MALT1: variants seen among roughly 807,000 people sequenced by gnomAD.
MALT1 encodes the protein mucosa-associated lymphoid tissue lymphoma translocation protein 1.
A neutral mutation model predicts 85.5 loss-of-function variants in MALT1; 36 were observed. That is an observed-to-expected ratio of 0.42 (90% CI 0.32 to 0.56). MALT1 has a LOEUF of 0.56. Ranked by LOEUF, MALT1 falls within the 20% of genes least tolerant of loss-of-function variation. The pLI is 0.10. For synonymous variants in MALT1, 359 were observed against 361.3 expected (o/e 0.99, Z 0.07); for missense variants, 716 against 981.6 (o/e 0.73, Z 3.62).
At chr18:58,697,538 G>A (rs1166562027) in intron 3 of MALT1, among the ~76,000 whole-genome samples, 3 of 152,140 alleles carry the variant, frequency 2.0e-5, no homozygotes, top group Non-Finnish European at 4.4e-5. Flanking sequence ...CTAGGCTCTT[G>A]AAAGATTGCA....
chr18:58,744,454 G>T lies in MALT1; in HGVS notation c.1870G>T (p.Glu624Ter). ...IYTSIVYKPP[E>*]IIMCDAYVTD... ...TACAAGTATAGTTTACAAACCACCGGAGATAATAATGTGTGATGCCTACGT... is the reference window on the plus strand; with the variant it reads ...TACAAGTATAGTTTACAAACCACCGTAGATAATAATGTGTGATGCCTACGT... Residue 624 changes from glutamate (E) to a stop codon, truncating the protein, a stop_gained, in exon 15 of 17, where the codon GAG (glutamate) becomes TAG (stop). Transcript: ENST00000649217. LOFTEE classifies it high-confidence loss of function. The T allele has an allele frequency of 6.2e-7, 1 of 1,607,212 alleles. No individual in the cohort carries two copies. Among genetic ancestry groups the T allele is most frequent in the Non-Finnish European group, 8.5e-7 (1 of 1,176,192 alleles).
At chr18:58,735,068 C>T (rs1302811517) in intron 12 of MALT1, 134 bp from the exon 13 acceptor site, 5 of 527,292 alleles carry the variant, frequency 9.5e-6, no homozygotes, top group African/African-American at 1.5e-4. Flanking sequence ...TGTCCCCACC[C>T]CCCCCCAGCC....
At chr18:58,710,824 A>G (rs1287806814) in intron 6 of MALT1, 97 bp from the exon 7 acceptor site, 15 of 744,550 alleles carry the variant, frequency 2.0e-5, no homozygotes, top group Admixed American at 5.3e-5. Flanking sequence ...TGGTTTGCCA[A>G]CATTATCTCT....
At chr18:58,705,308 G>GTA (rs151120128) in intron 4 of MALT1, among the ~76,000 whole-genome samples, 2,620 of 149,456 alleles carry the variant, frequency 0.018, 85 homozygotes, top group African/African-American at 0.061. Flanking sequence ...GTGTGTGTGT[G>GTA]TGTGTGTGTG....
chr18:58,683,840 G>A (rs150911302), intron 2 of MALT1, among the ~76,000 whole-genome samples: 2 of 152,244 alleles, frequency 1.3e-5, no homozygotes, highest in African/African-American at 4.8e-5. Context: ...GGAGAGAATA[G>A]GAAAGGAAAG....
At chr18:58,732,505 T>C (rs1314439052) in intron 10 of MALT1, among the ~76,000 whole-genome samples, 1 of 152,184 alleles carries the variant, frequency 6.6e-6, no homozygotes, top group African/African-American at 2.4e-5. Flanking sequence ...ATCTGCGAAG[T>C]CAGATTTCCC....
chr18:58,693,373 A>G (rs551592839), intron 2 of MALT1, among the ~76,000 whole-genome samples: 1 of 152,324 alleles, frequency 6.6e-6, no homozygotes, highest in Non-Finnish European at 1.5e-5. Flanking sequence ...AGTGAGCGAG[A>G]TCATGACACT....
intron 1 of MALT1, among the ~76,000 whole-genome samples, chr18:58,678,492 A>G (rs1223070963): frequency 1.3e-5 from 2 of 152,080 alleles, no homozygotes; most frequent in Non-Finnish European, 2.9e-5. Context: ...TATGTTTAAT[A>G]TGATGGGGTT....
intron 10 of MALT1, among the ~76,000 whole-genome samples, chr18:58,727,438 G>A (rs148649171): frequency 2.0e-5 from 3 of 152,214 alleles, no homozygotes; most frequent in African/African-American, 7.2e-5. Context: ...AGAGTAGCTG[G>A]GATTACAGGC....
In MALT1 at chr18:58,754,151, C is replaced by T. The variant is rs1461907485; in HGVS notation, c.*6309C>T. ...TGTTACTATACCCTCCAGGATAACC[C>T]AGCTAGTAAGGGCAGAGCCAGGATG... On this transcript the variant is annotated 3_prime_UTR_variant, in exon 17 of 17. Transcript: ENST00000649217. The T allele has an allele frequency of 6.6e-6, 1 of 152,156 alleles. No individual in the cohort carries two copies. Among genetic ancestry groups the T allele is most frequent in the Admixed American group, 6.5e-5 (1 of 15,284 alleles). 9.4% of individuals were successfully genotyped at this position (152,156 alleles called of 1,614,324 possible).
intron 16 of MALT1, among the ~76,000 whole-genome samples, chr18:58,746,952 T>G (rs1445815507): frequency 6.6e-6 from 1 of 152,174 alleles, no homozygotes; most frequent in African/African-American, 2.4e-5. Flanking sequence ...GGTCTTGAAC[T>G]CCTAACTTCA....
rs1452413033 is a variant in MALT1 at position 58,747,713 on chromosome 18, T to G, written c.2346T>G (p.Thr782=). The part of the protein sequence containing the change: ...TPADSCHCSR[T]PDAFISSFAH... ...CAGATAGCTGTCATTGCAGCCGGAC[T>G]CCAGATGCATTTATTTCAAGTTTCG... is the stretch of plus-strand genomic sequence containing the variant. The change falls in exon 17 of 17, where the codon ACT becomes ACG. Residue 782 remains threonine (T), a synonymous_variant. Coordinates refer to ENST00000649217, the MANE Select transcript of MALT1 (RefSeq NM_006785.4). 1.4e-5 allele frequency: 22 copies of G among 1,614,112 alleles called. No homozygotes were observed. The highest frequency in any genetic ancestry group is 1.5e-5 in the Non-Finnish European group (18 of 1,180,040).
chr18:58,719,493 T>G (rs2054953359), intron 9 of MALT1, among the ~76,000 whole-genome samples: 2 of 152,202 alleles, frequency 1.3e-5, no homozygotes, highest in African/African-American at 4.8e-5. Context: ...GTAGCTGTTT[T>G]CTTTATGTCG....
intron 16 of MALT1, among the ~76,000 whole-genome samples, chr18:58,746,462 TGTTC>T (rs1308826565): frequency 1.3e-5 from 2 of 152,334 alleles, no homozygotes; most frequent in Non-Finnish European, 1.5e-5. Flanking sequence ...GCACATTGAG[TGTTC>T]TAATGAAAGC....
rs564510581 is a variant in MALT1 at position 58,748,338 on chromosome 18, T to A, written c.*496T>A. On this transcript the variant is annotated 3_prime_UTR_variant, in exon 17 of 17. Transcript: ENST00000649217. ...ACTACACAACTGCCTTCCTGACAGG[T>A]TCTGAGATAAGTGTTATGTTTGTAG... 12 of 198,544 alleles carry A rather than the reference T, an allele frequency of 6.0e-5. No individual in the cohort carries two copies. Among genetic ancestry groups the A allele is most frequent in the Non-Finnish European group, 1.1e-4 (11 of 95,740 alleles). The allele number at this position is 198,544 out of a possible 1,614,324, so 12.3% of individuals were successfully genotyped here.
chr18:58,733,310 G>A (rs1254018776), intron 10 of MALT1, 87 bp from the exon 11 acceptor site: 1 of 833,514 alleles, frequency 1.2e-6, no homozygotes, highest in Non-Finnish European at 1.9e-6. Flanking sequence ...TAAAGTCAAG[G>A]TTTTTCTACA....
At position 58,727,616 on chromosome 18, in the gene MALT1, G is replaced by GTTTTTTTTTTTTTTTT. The variant is rs751434443; in HGVS notation, c.1222+4376_1222+4377insTTTTTTTTTTTTTTTT. Reference sequence around the variant, plus strand: ...ACCCAGCCTGCCAAAGGTTTTTTGTGTTTTTTTTTTTGTTTTTTTTTTTTT... The same window carrying GTTTTTTTTTTTTTTTT: ...ACCCAGCCTGCCAAAGGTTTTTTGTGTTTTTTTTTTTTTTTTTTTTTTTTTTTGTTTTTTTTTTTTT... On this transcript the variant is annotated intron_variant, in intron 10 of 16. Coordinates refer to ENST00000649217, the MANE Select transcript of MALT1 (RefSeq NM_006785.4). Among the ~76,000 whole-genome samples the GTTTTTTTTTTTTTTTT allele has an allele frequency of 1.1e-3, 128 of 121,210 alleles. 11 individuals carry two copies. The highest frequency in any genetic ancestry group is 3.8e-3 in the African/African-American group (115 of 30,616). The allele number at this position is 121,210 out of a possible 152,430, so 79.5% of individuals were successfully genotyped here.
Position 58,734,396 on chromosome 18 carries a change from T to C in MALT1, c.1475+15T>C, listed in dbSNP as rs772927373. ...GGATATGCCACGTAAGAACATTTGA[T>C]GTTTACGTTGAAGTTTCCTTTATTG... is the stretch of plus-strand genomic sequence containing the variant. On this transcript the variant is annotated intron_variant, in intron 12 of 16. Transcript: ENST00000649217. 1.2e-6 allele frequency: 2 copies of C among 1,603,324 alleles called. No individual in the cohort carries two copies. The highest frequency in any genetic ancestry group is 1.7e-6 in the Non-Finnish European group (2 of 1,170,154).
rs1213412379 is a variant in MALT1 at position 58,745,877 on chromosome 18, CTTA to C, written c.2037+93_2037+95del. On this transcript the variant is annotated intron_variant, in intron 16 of 16. Coordinates refer to ENST00000649217, the MANE Select transcript of MALT1 (RefSeq NM_006785.4). ...TTGGCATAGACCATAGATATGCTGC[CTTA>C]TTATTAAAGTAGAGATAACCAGTCT... The C allele has an allele frequency of 8.9e-6, 11 of 1,234,510 alleles. No individual in the cohort carries two copies. The East Asian group carries it at 2.4e-4, about 27-fold the overall frequency. The allele number at this position is 1,234,510 out of a possible 1,614,324, so 76.5% of individuals were successfully genotyped here. A position where few individuals can be genotyped will look rare whatever the true frequency, so the allele number is the denominator to read the frequency against.
Sources: allele counts gnomAD v4.1 joint callset (sites outside exome capture counted in the v4.1 genomes callset), GRCh38; gene constraint gnomAD v4.1.1; transcripts MANE v1.5; gene names NCBI Gene and HGNC (gene_info 2026-07-23, HGNC 2026-07-21).